Variants in EPHB1 observed in about 807,000 individuals in gnomAD.
EPHB1 encodes the protein EPH receptor B1.
Under a neutral mutation model 94.4 loss-of-function variants are expected in EPHB1, and 30 were observed. The observed-to-expected ratio is 0.32, with a 90% CI of 0.24 to 0.43. The LOEUF (loss-of-function observed/expected upper bound fraction) is 0.43, where lower values mean the gene tolerates loss of function less well. Ranked by LOEUF, EPHB1 falls within the 20% of genes least tolerant of loss-of-function variation. The probability of loss-of-function intolerance (pLI) is 1.00; values close to 1 mark genes in which losing one functional copy is unlikely to be tolerated. For missense variants in EPHB1, 1,055 were observed against 1,308.3 expected (o/e 0.81, Z 2.99); for synonymous variants, 522 against 489.1 (o/e 1.07, Z -0.89).
intron 3 of EPHB1, among the ~76,000 whole-genome samples, chr3:135,018,017 A>G (rs1935860478): frequency 6.6e-6 from 1 of 152,100 alleles, no homozygotes; most frequent in South Asian, 2.1e-4. Context: ...GGGCATGATG[A>G]GAGCTCCAGG....
intron 2 of EPHB1, among the ~76,000 whole-genome samples, chr3:134,930,877 C>T (rs983172320): frequency 6.6e-6 from 1 of 152,216 alleles, no homozygotes; most frequent in African/African-American, 2.4e-5. Context: ...TACTGTCCTT[C>T]ACTCTGTAAG....
At chr3:134,941,791 A>G (rs1446961262) in intron 2 of EPHB1, among the ~76,000 whole-genome samples, 2 of 146,112 alleles carry the variant, frequency 1.4e-5, no homozygotes, top group Admixed American at 1.4e-4. Context: ...ACACACACAC[A>G]CACACACAAT....
chr3:134,947,200 TA>T (rs930053926), intron 2 of EPHB1, among the ~76,000 whole-genome samples: 1 of 152,096 alleles, frequency 6.6e-6, no homozygotes, highest in Non-Finnish European at 1.5e-5. Flanking sequence ...ATGAATGAGG[TA>T]TAAATATAAA....
At chr3:135,106,740 A>G in intron 4 of EPHB1, 137 bp downstream of exon 4, 2 of 1,097,362 alleles carry the variant, frequency 1.8e-6, no homozygotes, top group South Asian at 1.5e-5. Context: ...GTGCTGAAAC[A>G]TACAACTCCT....
At chr3:135,080,556 A>G (rs577833847) in intron 3 of EPHB1, among the ~76,000 whole-genome samples, 1 of 151,994 alleles carries the variant, frequency 6.6e-6, no homozygotes, top group Admixed American at 6.5e-5. Flanking sequence ...CTGAGGAGAG[A>G]GTGGTCCTGG....
At chr3:134,881,283 T>C (rs938383) in intron 1 of EPHB1, among the ~76,000 whole-genome samples, 10,362 of 152,086 alleles carry the variant, frequency 0.068, 1,158 homozygotes, top group African/African-American at 0.24. Context: ...ATGGGTATGC[T>C]GGGGTGTAAC....
intron 5 of EPHB1, among the ~76,000 whole-genome samples, chr3:135,153,487 T>C (rs942574691): frequency 1.3e-5 from 2 of 152,334 alleles, no homozygotes; most frequent in South Asian, 4.1e-4. Context: ...AAATGTTTGA[T>C]TTGTTTATCA....
intron 10 of EPHB1, among the ~76,000 whole-genome samples, chr3:135,191,062 G>A (rs986887810): frequency 2.0e-5 from 3 of 151,114 alleles, no homozygotes; most frequent in Non-Finnish European, 4.4e-5. Flanking sequence ...GCAACATAGT[G>A]AGACCCTGTC....
chr3:134,817,951 T>C (rs1007962785), intron 1 of EPHB1, among the ~76,000 whole-genome samples: 1 of 152,232 alleles, frequency 6.6e-6, no homozygotes, highest in Non-Finnish European at 1.5e-5. Flanking sequence ...CAGACACCTC[T>C]TGAGGTCCTG....
chr3:134,965,125 CATT>C (rs1258794291), intron 3 of EPHB1, among the ~76,000 whole-genome samples: 1 of 152,196 alleles, frequency 6.6e-6, no homozygotes, highest in Non-Finnish European at 1.5e-5. Context: ...TCTTCAGTCT[CATT>C]ATTTTTCTGG....
intron 1 of EPHB1, among the ~76,000 whole-genome samples, chr3:134,916,395 G>A (rs762459765): frequency 8.5e-5 from 13 of 152,238 alleles, no homozygotes; most frequent in Non-Finnish European, 1.3e-4. Flanking sequence ...ACCGGACACC[G>A]TGGAGCAGGG....
chr3:135,248,700 T>C (rs1038575801), intron 14 of EPHB1, among the ~76,000 whole-genome samples, 191 bp downstream of exon 14: 5 of 151,828 alleles, frequency 3.3e-5, no homozygotes, highest in African/African-American at 1.2e-4. Context: ...ATAGAGAAAA[T>C]AGTGTCTTAA....
intron 12 of EPHB1, among the ~76,000 whole-genome samples, chr3:135,220,280 G>A (rs917970160): frequency 2.2e-4 from 33 of 152,138 alleles, no homozygotes; most frequent in Admixed American, 1.9e-3. Context: ...TGCTCACCCC[G>A]CAGGCATTCT....
At chr3:134,933,878 G>T (rs897968806) in intron 2 of EPHB1, among the ~76,000 whole-genome samples, 4 of 152,110 alleles carry the variant, frequency 2.6e-5, no homozygotes, top group Non-Finnish European at 4.4e-5. Flanking sequence ...TTTTCTCACG[G>T]TAAGAGACAT....
intron 2 of EPHB1, among the ~76,000 whole-genome samples, chr3:134,928,344 TAC>T (rs1433850295): frequency 6.6e-6 from 1 of 152,200 alleles, no homozygotes; most frequent in Non-Finnish European, 1.5e-5. Context: ...AATAGCACAA[TAC>T]ACAGTCCCAA....
chr3:135,153,228 G>T (rs1941248056), intron 5 of EPHB1, among the ~76,000 whole-genome samples: 1 of 152,144 alleles, frequency 6.6e-6, no homozygotes, highest in Non-Finnish European at 1.5e-5. Context: ...TGGAGTTTGA[G>T]TGAGGAAAAG....
At chr3:135,086,528 T>A (rs939615065) in intron 3 of EPHB1, among the ~76,000 whole-genome samples, 7 of 151,634 alleles carry the variant, frequency 4.6e-5, no homozygotes, top group Non-Finnish European at 1.0e-4. Flanking sequence ...CTGCTAAACA[T>A]CCTTGACTCT....
chr3:135,011,933 G>T (rs1322920436), intron 3 of EPHB1, among the ~76,000 whole-genome samples: 1 of 151,570 alleles, frequency 6.6e-6, no homozygotes, highest in African/African-American at 2.4e-5. Context: ...ATAGGGTATA[G>T]AAAAACTGTA....
chr3:134,979,216 T>G (rs1037690755), intron 3 of EPHB1, among the ~76,000 whole-genome samples: 2 of 146,538 alleles, frequency 1.4e-5, no homozygotes, highest in Non-Finnish European at 3.0e-5. Flanking sequence ...CTTGGAATAT[T>G]AAGAAGAAGA....
Sources: gnomAD v4.1 joint callset for allele counts (sites outside exome capture counted in the v4.1 genomes callset) on GRCh38, gnomAD v4.1.1 for gene constraint, MANE v1.5 for transcripts, NCBI Gene and HGNC (gene_info 2026-07-23, HGNC 2026-07-21) for gene names.